The following ZYG11A variants were observed in gnomAD, a reference collection of about 807,000 sequenced individuals.
The protein encoded by ZYG11A is zyg-11 family member A, cell cycle regulator.
Under a neutral mutation model 77.2 loss-of-function variants are expected in ZYG11A, and 62 were observed. The observed-to-expected ratio is 0.80, with a 90% CI of 0.65 to 0.99. ZYG11A has a LOEUF of 0.99. ZYG11A is among the 50% of genes least tolerant of loss of function. ZYG11A has a pLI of 0.00. For missense variants in ZYG11A, 828 were observed against 896.8 expected (o/e 0.92, Z 0.98); for synonymous variants, 315 against 324.6 (o/e 0.97, Z 0.32).
intron 1 of ZYG11A, among the ~76,000 whole-genome samples, chr1:52,848,972 C>T (rs952511424): frequency 6.6e-6 from 1 of 152,124 alleles, no homozygotes; most frequent in Non-Finnish European, 1.5e-5. Context: ...ATAGTTAAAC[C>T]ACAGAGCAGT....
chr1:52,851,888 C>T (rs994485461), intron 1 of ZYG11A, among the ~76,000 whole-genome samples: 1 of 148,436 alleles, frequency 6.7e-6, no homozygotes, highest in Non-Finnish European at 1.5e-5. Context: ...GCTGGGATTA[C>T]AGGCACCCGC....
intron 1 of ZYG11A, among the ~76,000 whole-genome samples, chr1:52,850,690 G>A (rs1187194589): frequency 6.6e-6 from 1 of 152,128 alleles, no homozygotes; most frequent in Non-Finnish European, 1.5e-5. Context: ...TCCTGACCTT[G>A]TGATCTGCCC....
chr1:52,862,121 A>G (rs531417322), intron 4 of ZYG11A, among the ~76,000 whole-genome samples: 4 of 151,586 alleles, frequency 2.6e-5, no homozygotes, highest in African/African-American at 9.7e-5. Context: ...AGGCAGGAGA[A>G]TCACTTGAAC....
At chr1:52,881,735 A>G in intron 11 of ZYG11A, 70 bp downstream of exon 11, 1 of 1,208,472 alleles carries the variant, frequency 8.3e-7, no homozygotes, top group Non-Finnish European at 1.1e-6. Flanking sequence ...AGTTTCCTAA[A>G]TCATAATAAT....
intron 10 of ZYG11A, among the ~76,000 whole-genome samples, chr1:52,879,806 A>T (rs1646331922): frequency 6.6e-6 from 1 of 151,142 alleles, no homozygotes; most frequent in Admixed American, 6.6e-5. Flanking sequence ...CTTGTCACCC[A>T]GGCTGGAGTG....
At chr1:52,867,228 G>A (rs1037529587) in intron 6 of ZYG11A, among the ~76,000 whole-genome samples, 1 of 152,190 alleles carries the variant, frequency 6.6e-6, no homozygotes, top group Non-Finnish European at 1.5e-5. Flanking sequence ...ATTACAAATT[G>A]CTACCACTCT....
At chr1:52,872,542 A>T (rs922579705) in intron 8 of ZYG11A, among the ~76,000 whole-genome samples, 73 of 151,344 alleles carry the variant, frequency 4.8e-4, no homozygotes, top group African/African-American at 1.8e-3. Flanking sequence ...ATCAGGGAGT[A>T]ATTTATTAAT....
At chr1:52,891,248 T>C (rs1382657898) in intron 13 of ZYG11A, among the ~76,000 whole-genome samples, 1 of 151,944 alleles carries the variant, frequency 6.6e-6, no homozygotes, top group African/African-American at 2.4e-5. Context: ...CAGTGATACA[T>C]TTTTAAATGT....
chr1:52,881,808 A>G (rs1424814065), intron 11 of ZYG11A, 143 bp downstream of exon 11: 1 of 612,298 alleles, frequency 1.6e-6, no homozygotes, highest in South Asian at 2.9e-5. Context: ...TTTCCATCCA[A>G]AACTATCTCT....
At chr1:52,846,110 C>T (rs1364576650) in intron 1 of ZYG11A, among the ~76,000 whole-genome samples, 1 of 151,228 alleles carries the variant, frequency 6.6e-6, no homozygotes, top group Non-Finnish European at 1.5e-5. Context: ...GTAGTTCTCT[C>T]TTTCTCTCCC....
intron 8 of ZYG11A, among the ~76,000 whole-genome samples, chr1:52,868,939 G>T (rs1203413765): frequency 6.6e-6 from 1 of 151,926 alleles, no homozygotes; most frequent in African/African-American, 2.4e-5. Flanking sequence ...GGGTTCAAGC[G>T]GTTATCCTGC....
chr1:52,880,675 A>G (rs540941015), intron 10 of ZYG11A, among the ~76,000 whole-genome samples: 1 of 152,272 alleles, frequency 6.6e-6, no homozygotes, highest in Admixed American at 6.5e-5. Flanking sequence ...GAGGAGGGAG[A>G]AGCCCACCTT....
chr1:52,860,715 A>ACAT lies in ZYG11A; in HGVS notation c.1009-14_1009-12dup. The ACAT allele has an allele frequency of 6.5e-7, 1 of 1,549,708 alleles. No homozygotes were observed. Among genetic ancestry groups the ACAT allele is most frequent in the Non-Finnish European group, 8.7e-7 (1 of 1,146,488 alleles). On this transcript the variant is annotated splice_polypyrimidine_tract_variant and intron_variant, in intron 3 of 13. Coordinates refer to ENST00000371528, the MANE Select transcript of ZYG11A (RefSeq NM_001004339.3). ...TATGAATGGTGAAACCTGTTTGGTA[A>ACAT]CATCTTTATTTTCAGGTTGCTGGAG... is the stretch of plus-strand genomic sequence containing the variant.
At chr1:52,857,882 A>AATC in intron 3 of ZYG11A, 133 bp downstream of exon 3, 5 of 665,124 alleles carry the variant, frequency 7.5e-6, no homozygotes, top group Non-Finnish European at 1.2e-5. Flanking sequence ...CTTTTTTAAT[A>AATC]ATTAATGATT....
chr1:52,844,354 A>G (rs1645522021), intron 1 of ZYG11A, among the ~76,000 whole-genome samples: 1 of 152,172 alleles, frequency 6.6e-6, no homozygotes, highest in African/African-American at 2.4e-5. Flanking sequence ...TGGATTTGTA[A>G]TTAATGGAAA....
At chr1:52,883,262 G>T (rs1418994990) in intron 11 of ZYG11A, among the ~76,000 whole-genome samples, 1 of 149,768 alleles carries the variant, frequency 6.7e-6, no homozygotes, top group Non-Finnish European at 1.5e-5. Context: ...GATTACAGGT[G>T]TGGTAATGCA....
At chr1:52,849,688 C>CCT (rs770551112) in intron 1 of ZYG11A, among the ~76,000 whole-genome samples, 62 of 41,366 alleles carry the variant, frequency 1.5e-3, no homozygotes, top group Non-Finnish European at 2.9e-3. Context: ...TTATACATTT[C>CCT]TTTTTTTTTT....
At chr1:52,856,192 T>G (rs1430992594) in intron 2 of ZYG11A, among the ~76,000 whole-genome samples, 1 of 152,234 alleles carries the variant, frequency 6.6e-6, no homozygotes, top group Non-Finnish European at 1.5e-5. Context: ...AATTTGCATT[T>G]CTTTAATGAC....
At chr1:52,847,576 G>A (rs1645615379) in intron 1 of ZYG11A, among the ~76,000 whole-genome samples, 1 of 150,872 alleles carries the variant, frequency 6.6e-6, no homozygotes, top group Non-Finnish European at 1.5e-5. Context: ...GCGACAAGTT[G>A]TCTCTGCTTT....
Sources: gnomAD v4.1 joint callset for allele counts (sites outside exome capture counted in the v4.1 genomes callset) on GRCh38, gnomAD v4.1.1 for gene constraint, MANE v1.5 for transcripts, NCBI Gene and HGNC (gene_info 2026-07-23, HGNC 2026-07-21) for gene names.